MMS22L: variants seen among roughly 807,000 people sequenced by gnomAD.
The protein encoded by MMS22L is protein MMS22-like.
MMS22L carries 74 observed loss-of-function variants against 159.1 expected under a neutral mutation model. That is an observed-to-expected ratio of 0.47 (90% CI 0.39 to 0.56). The LOEUF is 0.56. Among genes scored for constraint, MMS22L ranks in the 20% least tolerant of loss-of-function variants. The pLI is 0.00. For missense variants in MMS22L, 1,351 were observed against 1,422.1 expected (o/e 0.95, Z 0.80); for synonymous variants, 517 against 506.9 (o/e 1.02, Z -0.27).
chr6:97,207,323 T>A (rs572011383), intron 14 of MMS22L, among the ~76,000 whole-genome samples: 1 of 152,298 alleles, frequency 6.6e-6, no homozygotes, highest in Non-Finnish European at 1.5e-5. Context: ...CTCTGGTCAA[T>A]TGTGTTTGTA....
chr6:97,218,873 T>C (rs1403658302), intron 14 of MMS22L, among the ~76,000 whole-genome samples: 8 of 152,192 alleles, frequency 5.3e-5, no homozygotes, highest in Admixed American at 6.5e-5. Context: ...GACCCCTGAA[T>C]TGAATTTTTT....
intron 11 of MMS22L, among the ~76,000 whole-genome samples, chr6:97,235,176 T>C (rs1811267116): frequency 6.6e-6 from 1 of 152,172 alleles, no homozygotes; most frequent in Admixed American, 6.5e-5. Context: ...ACTGAAACTT[T>C]AAAGATATGT....
intron 15 of MMS22L, among the ~76,000 whole-genome samples, chr6:97,183,237 C>G (rs1286589503): frequency 2.6e-5 from 4 of 152,150 alleles, no homozygotes; most frequent in Non-Finnish European, 5.9e-5. Context: ...TTTCCTCATC[C>G]CTCCTTGTCT....
chr6:97,171,487 T>C (rs1582450030), intron 19 of MMS22L, among the ~76,000 whole-genome samples: 1 of 152,120 alleles, frequency 6.6e-6, no homozygotes, highest in South Asian at 2.1e-4. Flanking sequence ...GAAAGCTTTA[T>C]ACATGGAAAC....
At chr6:97,208,200 T>A (rs754751275) in intron 14 of MMS22L, among the ~76,000 whole-genome samples, 17 of 152,138 alleles carry the variant, frequency 1.1e-4, no homozygotes, top group Non-Finnish European at 2.2e-4. Context: ...TGTACTCTCC[T>A]ACCTTTATGT....
chr6:97,151,650 T>C (rs1801327189), intron 23 of MMS22L, 121 bp downstream of exon 23: 6 of 751,266 alleles, frequency 8.0e-6, no homozygotes, highest in East Asian at 5.2e-5. Flanking sequence ...AATACAATAA[T>C]TGAAATACTA....
rs1180401655 is a variant in MMS22L at position 97,144,158 on chromosome 6, C to G, written c.*2648G>C. 1.3e-5 allele frequency: 2 copies of G among 149,874 alleles called. No individual in the cohort carries two copies. The highest frequency in any genetic ancestry group is 4.9e-5 in the African/African-American group (2 of 40,478). 9.3% of individuals were successfully genotyped at this position (149,874 alleles called of 1,614,324 possible). A position where few individuals can be genotyped will look rare whatever the true frequency, so the allele number is the denominator to read the frequency against. ...GAGAAAAGCTGGAGTTATCAGTTCACCACTAACAGAATGTTGAGACAAAGC... is the reference window on the plus strand; with the variant it reads ...GAGAAAAGCTGGAGTTATCAGTTCAGCACTAACAGAATGTTGAGACAAAGC... On this transcript the variant is annotated 3_prime_UTR_variant, in exon 25 of 25. Transcript: ENST00000683635.
At chr6:97,266,284 A>T (rs1175021112) in intron 8 of MMS22L, 1 of 152,322 alleles carries the variant, frequency 6.6e-6, no homozygotes, top group African/African-American at 2.4e-5. Flanking sequence ...TTAAATATAG[A>T]ACTACCACAT....
chr6:97,243,982 A>AT (rs1026789859), intron 11 of MMS22L, among the ~76,000 whole-genome samples: 1 of 152,096 alleles, frequency 6.6e-6, no homozygotes, highest in African/African-American at 2.4e-5. Flanking sequence ...GGGGAGTGAA[A>AT]TGGACTCTGT....
At chr6:97,173,349 G>A in intron 18 of MMS22L, 127 bp from the exon 19 acceptor site, 3 of 734,992 alleles carry the variant, frequency 4.1e-6, no homozygotes, top group Non-Finnish European at 6.5e-6. Context: ...GCCTTCATTT[G>A]TAACCTTCCA....
At chr6:97,225,823 G>A (rs776744473) in intron 14 of MMS22L, among the ~76,000 whole-genome samples, 2 of 151,798 alleles carry the variant, frequency 1.3e-5, no homozygotes, top group Non-Finnish European at 2.9e-5. Context: ...CGCCCACCTC[G>A]GCCTCCCAAA....
At position 97,143,552 on chromosome 6, in the gene MMS22L, G is replaced by A. The variant is rs1270836036; in HGVS notation, c.*3254C>T. 6.6e-6 allele frequency: 1 copy of A among 152,134 alleles called. No homozygotes were observed. The highest frequency in any genetic ancestry group is 1.5e-5 in the Non-Finnish European group (1 of 68,050). The allele number at this position is 152,134 out of a possible 1,614,324, so 9.4% of individuals were successfully genotyped here. On this transcript the variant is annotated 3_prime_UTR_variant, in exon 25 of 25. Transcript: ENST00000683635. ...ATAAGCTGTAGGAGAAGAAACCAGA[G>A]GTAAGGAAATAAGTAGTGCCCAACA... is the stretch of plus-strand genomic sequence containing the variant.
At chr6:97,182,558 T>C (rs1202846914) in intron 15 of MMS22L, among the ~76,000 whole-genome samples, 1 of 152,206 alleles carries the variant, frequency 6.6e-6, no homozygotes, top group Non-Finnish European at 1.5e-5. Context: ...GGAACTAGAA[T>C]TCCTTAGTTA....
chr6:97,249,775 C>T (rs1813052651), intron 10 of MMS22L, among the ~76,000 whole-genome samples: 1 of 143,640 alleles, frequency 7.0e-6, no homozygotes, highest in Admixed American at 7.1e-5. Flanking sequence ...CAGATTTCAG[C>T]AATTCATTTT....
intron 4 of MMS22L, 22 bp from the exon 5 acceptor site, chr6:97,273,084 T>C (rs758361744): frequency 7.7e-6 from 12 of 1,566,490 alleles, no homozygotes; most frequent in Non-Finnish European, 1.0e-5. Context: ...ATAGACAATG[T>C]TAATCATAGT....
At chr6:97,191,342 T>C (rs1235945988) in intron 14 of MMS22L, among the ~76,000 whole-genome samples, 1 of 152,164 alleles carries the variant, frequency 6.6e-6, no homozygotes, top group East Asian at 1.9e-4. Context: ...TGGCATACCA[T>C]TGTTTCTCCT....
At chr6:97,278,804 A>G in intron 4 of MMS22L, 45 bp downstream of exon 4, 1 of 1,538,620 alleles carries the variant, frequency 6.5e-7, no homozygotes, top group Non-Finnish European at 9.0e-7. Flanking sequence ...AACTCACTAT[A>G]ATGAAGCACC....
chr6:97,201,021 G>A (rs1468692331), intron 14 of MMS22L, among the ~76,000 whole-genome samples: 3 of 152,046 alleles, frequency 2.0e-5, no homozygotes, highest in Non-Finnish European at 4.4e-5. Flanking sequence ...GACTGTTGCT[G>A]TAGTTCAAAA....
chr6:97,190,156 A>C (rs1017266191), intron 14 of MMS22L, among the ~76,000 whole-genome samples: 6 of 152,222 alleles, frequency 3.9e-5, no homozygotes, highest in African/African-American at 1.2e-4. Context: ...GCAAAGAAGA[A>C]GCTCTGTCAC....
Sources: allele counts gnomAD v4.1 joint callset (sites outside exome capture counted in the v4.1 genomes callset), GRCh38; gene constraint gnomAD v4.1.1; transcripts MANE v1.5; gene names NCBI Gene and HGNC (gene_info 2026-07-23, HGNC 2026-07-21).